Variants in NAV3 observed in about 807,000 individuals in gnomAD.
The protein encoded by NAV3 is pore membrane and/or filament interacting like protein 1.
In NAV3, 87 loss-of-function variants were observed where a neutral mutation model predicts 244.7. The ratio of observed to expected loss-of-function variants is 0.36; its 90% CI spans 0.30 to 0.42. The LOEUF is 0.42. NAV3 is among the 20% of genes least tolerant of loss of function. The pLI is 1.00. For missense variants in NAV3, 2,663 were observed against 2,893.3 expected, an observed-to-expected ratio of 0.92 and a Z score of 1.83; for synonymous variants, 1,126 against 1,042.2, an observed-to-expected ratio of 1.08 and a Z score of -1.55.
At chr12:77,713,557 A>G (rs901324670) in intron 2 of NAV3, among the ~76,000 whole-genome samples, 1 of 152,168 alleles carries the variant, frequency 6.6e-6, no homozygotes, top group Admixed American at 6.5e-5. Flanking sequence ...AGATCTGTAG[A>G]ATATATGAAG....
intron 1 of NAV3, among the ~76,000 whole-genome samples, chr12:77,879,153 T>G (rs548557495): frequency 6.6e-6 from 1 of 152,232 alleles, no homozygotes; most frequent in African/African-American, 2.4e-5. Flanking sequence ...AAGGGAGAGT[T>G]GCGAACCCGC....
At chr12:77,942,857 G>A (rs990791758) in intron 3 of NAV3, among the ~76,000 whole-genome samples, 1 of 152,138 alleles carries the variant, frequency 6.6e-6, no homozygotes, top group Non-Finnish European at 1.5e-5. Flanking sequence ...GATTTTTAAG[G>A]CTTTCAGTTA....
chr12:77,774,045 G>C (rs762680447), intron 2 of NAV3, among the ~76,000 whole-genome samples: 1 of 152,108 alleles, frequency 6.6e-6, no homozygotes, highest in Non-Finnish European at 1.5e-5. Context: ...AGCTAAGAAT[G>C]ATTGTGTTTA....
chr12:77,954,858 C>T (rs1891220156), intron 3 of NAV3, among the ~76,000 whole-genome samples: 1 of 152,102 alleles, frequency 6.6e-6, no homozygotes, highest in Non-Finnish European at 1.5e-5. Flanking sequence ...TTATTACTAT[C>T]TGTTAATAAA....
chr12:77,969,052 T>G (rs915038858), intron 5 of NAV3, among the ~76,000 whole-genome samples: 1 of 152,152 alleles, frequency 6.6e-6, no homozygotes, highest in Non-Finnish European at 1.5e-5. Flanking sequence ...TGTAGTTATC[T>G]TTCATTGATA....
chr12:77,736,390 T>A (rs1877334832), intron 2 of NAV3, among the ~76,000 whole-genome samples: 1 of 152,194 alleles, frequency 6.6e-6, no homozygotes, highest in Non-Finnish European at 1.5e-5. Context: ...ATTCTGCAAC[T>A]TTGGCTGGGC....
intron 2 of NAV3, among the ~76,000 whole-genome samples, chr12:77,728,178 C>T (rs1299537204): frequency 6.6e-6 from 1 of 151,948 alleles, no homozygotes; most frequent in Non-Finnish European, 1.5e-5. Context: ...ATCCCCAGCT[C>T]ACTCCAGTCC....
intron 12 of NAV3, among the ~76,000 whole-genome samples, chr12:78,092,722 G>A (rs1319367719): frequency 1.3e-5 from 2 of 151,824 alleles, no homozygotes; most frequent in Non-Finnish European, 2.9e-5. Context: ...GGATGGTCTC[G>A]ATCTCCTGAC....
intron 31 of NAV3, among the ~76,000 whole-genome samples, chr12:78,186,682 C>T (rs1482913908): frequency 6.6e-6 from 1 of 151,748 alleles, no homozygotes; most frequent in African/African-American, 2.4e-5. Context: ...CCTTTGAACA[C>T]TTTTTTCTAA....
At chr12:77,594,329 A>G (rs1870069067) in intron 2 of NAV3, among the ~76,000 whole-genome samples, 1 of 152,096 alleles carries the variant, frequency 6.6e-6, no homozygotes, top group South Asian at 2.1e-4. Flanking sequence ...AAAAAAAAAG[A>G]TCAGTTTAGC....
rs767929111 is a variant in NAV3 at position 78,122,019 on chromosome 12, A to C, written c.3829A>C (p.Ser1277Arg). Residue 1277 changes from serine (S) to arginine (R), a missense_variant, in exon 16 of 40, where the codon AGC (serine) becomes CGC (arginine). Transcript: ENST00000397909. ...EGVKSSSVMP[S>R]PSTTLARQGS... The stretch of plus-strand genomic sequence containing the variant: ...TGTGAAATCTTCCTCAGTAATGCCC[A>C]GCCCTAGTACCACATTAGCGCGGCA... 57 of 1,614,210 alleles carry C rather than the reference A, an allele frequency of 3.5e-5. No homozygotes were observed. The highest frequency in any genetic ancestry group is 4.8e-5 in the Non-Finnish European group (57 of 1,180,040).
intron 2 of NAV3, among the ~76,000 whole-genome samples, chr12:77,714,574 C>T (rs1300052796): frequency 2.6e-5 from 4 of 152,074 alleles, no homozygotes; most frequent in African/African-American, 2.4e-5. Flanking sequence ...GTAATAGGAC[C>T]TCTCGTAAAA....
chr12:77,880,545 T>C (rs543824299), intron 1 of NAV3, among the ~76,000 whole-genome samples: 1 of 152,290 alleles, frequency 6.6e-6, no homozygotes, highest in African/African-American at 2.4e-5. Context: ...GGTTCATTGA[T>C]GCTGTTTCCA....
At chr12:78,069,051 C>T (rs566906152) in intron 12 of NAV3, among the ~76,000 whole-genome samples, 6 of 151,592 alleles carry the variant, frequency 4.0e-5, no homozygotes, top group South Asian at 2.1e-4. Flanking sequence ...GCATTTTGGC[C>T]GGCAGCTGAT....
intron 2 of NAV3, among the ~76,000 whole-genome samples, chr12:77,754,625 G>A (rs1293675831): frequency 1.3e-5 from 2 of 152,152 alleles, no homozygotes; most frequent in African/African-American, 4.8e-5. Flanking sequence ...ATACAATTTT[G>A]TGTTTCTTGC....
chr12:77,896,516 G>A lies in NAV3; in HGVS notation c.244-43803G>A, dbSNP rs1027662867. Among the ~76,000 whole-genome samples, 57 of 152,144 alleles carry A rather than the reference G, an allele frequency of 3.7e-4. 1 individual carries two copies. The highest frequency in any genetic ancestry group is 1.5e-4 in the Non-Finnish European group (10 of 68,020). The stretch of plus-strand genomic sequence containing the variant: ...ATATAAATAATTGATGTGGAAAAAA[G>A]TATAGAATATGATCCAACTTGGTCT... On this transcript the variant is annotated intron_variant, in intron 1 of 39. Coordinates refer to ENST00000397909, the MANE Select transcript of NAV3 (RefSeq NM_001024383.2).
rs548959679 is a variant in NAV3 at position 78,097,281 on chromosome 12, C to A, written c.2637-19491C>A. ...TAAGAGGATTCAAGTGTCTTTCTTG[C>A]ATTTTGTCTTCTCTTCTATATCCAT... On this transcript the variant is annotated intron_variant, in intron 12 of 39. Transcript: ENST00000397909. Among the ~76,000 whole-genome samples the A allele has an allele frequency of 2.8e-4, 42 of 152,270 alleles. 3 individuals are homozygous for A. The South Asian group carries it at 7.0e-3, about 26-fold the overall frequency.
intron 22 of NAV3, among the ~76,000 whole-genome samples, chr12:78,153,244 C>G (rs1048478432): frequency 2.6e-5 from 4 of 152,002 alleles, no homozygotes; most frequent in African/African-American, 9.7e-5. Context: ...TCAAGAGAGT[C>G]TCTAGTTAGC....
chr12:77,958,565 T>A (rs1054879182), intron 3 of NAV3, among the ~76,000 whole-genome samples: 9 of 152,162 alleles, frequency 5.9e-5, no homozygotes, highest in African/African-American at 2.2e-4. Flanking sequence ...AAAACTGTTT[T>A]TCTTTAGGGC....
Sources: allele counts gnomAD v4.1 joint callset (sites outside exome capture counted in the v4.1 genomes callset), GRCh38; gene constraint gnomAD v4.1.1; transcripts MANE v1.5; gene names NCBI Gene and HGNC (gene_info 2026-07-23, HGNC 2026-07-21).